Variants in SNTB1 observed in about 807,000 individuals in gnomAD.
SNTB1 encodes the protein beta-1-syntrophin.
SNTB1 carries 36 observed loss-of-function variants against 48.9 expected under a neutral mutation model. The observed-to-expected ratio is 0.74, with a 90% CI of 0.56 to 0.97. The LOEUF is 0.97. SNTB1 is among the 50% of genes least tolerant of loss of function. The pLI is 0.00. For missense variants in SNTB1, 786 were observed against 703.4 expected, an observed-to-expected ratio of 1.12 and a Z score of -1.33; for synonymous variants, 299 against 294.6, an observed-to-expected ratio of 1.01 and a Z score of -0.15.
chr8:120,734,593 G>C (rs1055241861), intron 1 of SNTB1, among the ~76,000 whole-genome samples: 3 of 152,168 alleles, frequency 2.0e-5, no homozygotes, highest in Non-Finnish European at 4.4e-5. Flanking sequence ...TTTTATAGAT[G>C]AAGAGGATAA....
chr8:120,710,899 T>G (rs1818451674), intron 1 of SNTB1, among the ~76,000 whole-genome samples: 1 of 152,202 alleles, frequency 6.6e-6, no homozygotes. Context: ...TAAAGGATAT[T>G]TAACACACAT....
At chr8:120,711,724 T>C (rs1818467324) in intron 1 of SNTB1, among the ~76,000 whole-genome samples, 1 of 152,212 alleles carries the variant, frequency 6.6e-6, no homozygotes. Flanking sequence ...GCAGGATTTC[T>C]GATTCAAGCA....
intron 1 of SNTB1, among the ~76,000 whole-genome samples, chr8:120,731,338 C>T (rs1231942910): frequency 1.3e-5 from 2 of 152,134 alleles, no homozygotes; most frequent in African/African-American, 4.8e-5. Context: ...AGAAAGTATA[C>T]AACCACAATA....
chr8:120,601,773 A>G (rs1816425957), intron 3 of SNTB1, among the ~76,000 whole-genome samples: 1 of 152,210 alleles, frequency 6.6e-6, no homozygotes, highest in Non-Finnish European at 1.5e-5. Context: ...TTAATGAAAC[A>G]GTGAGGCTTG....
At chr8:120,665,048 G>C (rs1416989838) in intron 2 of SNTB1, among the ~76,000 whole-genome samples, 1 of 152,074 alleles carries the variant, frequency 6.6e-6, no homozygotes, top group Non-Finnish European at 1.5e-5. Flanking sequence ...CTTTTCCTGT[G>C]CTTATTTTCT....
At chr8:120,743,253 A>G (rs988462996) in intron 1 of SNTB1, among the ~76,000 whole-genome samples, 2 of 152,240 alleles carry the variant, frequency 1.3e-5, no homozygotes, top group African/African-American at 4.8e-5. Context: ...AAGGACACAG[A>G]TCTCATAGAC....
At chr8:120,658,170 A>C (rs1023658977) in intron 2 of SNTB1, among the ~76,000 whole-genome samples, 8 of 152,138 alleles carry the variant, frequency 5.3e-5, no homozygotes, top group African/African-American at 1.9e-4. Flanking sequence ...CTTCTATATA[A>C]ATAAAGATGT....
intron 3 of SNTB1, among the ~76,000 whole-genome samples, chr8:120,590,556 T>C (rs1272377483): frequency 6.6e-6 from 1 of 152,192 alleles, no homozygotes; most frequent in Non-Finnish European, 1.5e-5. Flanking sequence ...CCACACTCCC[T>C]GCTGGTCTTG....
At chr8:120,777,828 G>C (rs1819761084) in intron 1 of SNTB1, among the ~76,000 whole-genome samples, 1 of 152,206 alleles carries the variant, frequency 6.6e-6, no homozygotes, top group Admixed American at 6.5e-5. Context: ...CCAGTCACTA[G>C]TGACAGGGAC....
chr8:120,697,570 G>A (rs953830311), intron 1 of SNTB1, among the ~76,000 whole-genome samples: 3 of 152,168 alleles, frequency 2.0e-5, no homozygotes, highest in Non-Finnish European at 4.4e-5. Context: ...TAGAGGCCTT[G>A]AAGAATCAAA....
At position 120,811,686 on chromosome 8, in the gene SNTB1, C is replaced by T; in HGVS notation, c.158G>A (p.Gly53Asp). 1 of 1,589,912 alleles carries T rather than the reference C, an allele frequency of 6.3e-7. No individual in the cohort carries two copies. The highest frequency in any genetic ancestry group is 8.5e-7 in the Non-Finnish European group (1 of 1,172,072). ...EDALVLSSEE[G>D]AAAYNGIGTA... ...CCCGATGCCGTTGTACGCCGCAGCG[C>T]CCTCCTCGCTGCTCAGAACCAGGGC... Residue 53 changes from glycine to aspartate, a missense_variant, in exon 1 of 7, where the codon GGC becomes GAC. Transcript: ENST00000517992.
rs918706232 is a variant in SNTB1 at position 120,811,946 on chromosome 8, G to A, written c.-103C>T. The A allele has an allele frequency of 2.7e-5, 34 of 1,273,612 alleles. No individual in the cohort carries two copies. Among genetic ancestry groups the A allele is most frequent in the African/African-American group, 7.8e-5 (5 of 63,986 alleles). The allele number at this position is 1,273,612 out of a possible 1,614,324, so 78.9% of individuals were successfully genotyped here. A position where few individuals can be genotyped will look rare whatever the true frequency, so the allele number is the denominator to read the frequency against. On this transcript the variant is annotated 5_prime_UTR_variant, in exon 1 of 7. It adds an upstream start codon to the 5' untranslated region. Transcript: ENST00000517992. ...GGGCCCGGGGGAGCGAGGAGAGTGCGTCCCGCGGGGAGGTGGCGGCACGCG... is the reference window on the plus strand; with the variant it reads ...GGGCCCGGGGGAGCGAGGAGAGTGCATCCCGCGGGGAGGTGGCGGCACGCG...
chr8:120,723,173 T>A (rs1197388366), intron 1 of SNTB1, among the ~76,000 whole-genome samples: 4 of 152,184 alleles, frequency 2.6e-5, no homozygotes, highest in African/African-American at 9.7e-5. Flanking sequence ...CCAATCTGAT[T>A]ATCTAATCAC....
intron 1 of SNTB1, among the ~76,000 whole-genome samples, chr8:120,782,891 A>T (rs1457494807): frequency 1.3e-5 from 2 of 152,188 alleles, no homozygotes; most frequent in Admixed American, 1.3e-4. Flanking sequence ...AGAAAGAAAA[A>T]CAAGGAAAAC....
At chr8:120,595,136 G>C (rs1587015616) in intron 3 of SNTB1, among the ~76,000 whole-genome samples, 1 of 152,206 alleles carries the variant, frequency 6.6e-6, no homozygotes, top group South Asian at 2.1e-4. Flanking sequence ...TGTCTCTGCG[G>C]TGGACTTGTC....
chr8:120,726,904 AAT>A (rs1267429806), intron 1 of SNTB1, among the ~76,000 whole-genome samples: 8 of 152,336 alleles, frequency 5.3e-5, no homozygotes, highest in Admixed American at 4.6e-4. Flanking sequence ...AGTAGTGTCT[AAT>A]AGTCAATCTG....
At chr8:120,810,847 T>C (rs1255236518) in intron 1 of SNTB1, among the ~76,000 whole-genome samples, 1 of 152,150 alleles carries the variant, frequency 6.6e-6, no homozygotes, top group Non-Finnish European at 1.5e-5. Context: ...GAGTTGCAAT[T>C]ACGCAGTAGC....
intron 3 of SNTB1, among the ~76,000 whole-genome samples, chr8:120,620,014 T>A (rs888899325): frequency 6.6e-6 from 1 of 152,202 alleles, no homozygotes; most frequent in Non-Finnish European, 1.5e-5. Flanking sequence ...AGCCATTTGG[T>A]AAATCAATAT....
At position 120,692,449 on chromosome 8, in the gene SNTB1, T is replaced by G. The variant is rs1348559673; in HGVS notation, c.788+1243A>C. ...TGCAAAGGTCACTAAGATTCCCCAT[T>G]TGCTGGCTCGATCCCTCGCTTTCTT... On this transcript the variant is annotated intron_variant, in intron 2 of 6. Transcript: ENST00000517992. 2.0e-5 allele frequency among the ~76,000 whole-genome samples: 3 copies of G among 152,268 alleles called. No homozygotes were observed. The East Asian group carries it at 5.8e-4, about 29-fold the overall frequency.
Sources: allele counts gnomAD v4.1 joint callset (sites outside exome capture counted in the v4.1 genomes callset), GRCh38; gene constraint gnomAD v4.1.1; transcripts MANE v1.5; gene names NCBI Gene and HGNC (gene_info 2026-07-23, HGNC 2026-07-21).